The following AOPEP variants were observed in gnomAD, a reference collection of about 807,000 sequenced individuals.
AOPEP encodes the protein aminopeptidase O.
A neutral mutation model predicts 98.1 loss-of-function variants in AOPEP; 77 were observed. The ratio of observed to expected loss-of-function variants is 0.78; its 90% CI spans 0.65 to 0.95. The LOEUF is 0.95. AOPEP is among the 40% of genes least tolerant of loss of function. The pLI is 0.00. For synonymous variants in AOPEP, 346 were observed against 365.3 expected (o/e 0.95, Z 0.60); for missense variants, 1,024 against 1,024.7 (o/e 1.00, Z 0.01).
intron 16 of AOPEP, chr9:95,082,963 G>T: frequency 5.9e-6 from 3 of 505,528 alleles, no homozygotes; most frequent in Admixed American, 7.0e-5. Flanking sequence ...CCACCTGGAG[G>T]CACAGCGGCA....
chr9:95,095,405 T>G, the AOPEP span, among the ~76,000 whole-genome samples: 1 of 152,096 alleles, frequency 6.6e-6, no homozygotes, highest in South Asian at 2.1e-4. Context: ...TCCCGTTCCC[T>G]GTGTCGTGTG....
intron 11 of AOPEP, among the ~76,000 whole-genome samples, chr9:94,999,008 T>C (rs2061399760): frequency 6.6e-6 from 1 of 152,198 alleles, no homozygotes; most frequent in African/African-American, 2.4e-5. Context: ...AGTAGAGTTA[T>C]AAGTTAAGAA....
At chr9:95,083,680 C>CA (rs1279169308) in intron 16 of AOPEP, among the ~76,000 whole-genome samples, 5 of 151,970 alleles carry the variant, frequency 3.3e-5, no homozygotes, top group Admixed American at 3.3e-4. Context: ...CTGCGGCACA[C>CA]ACAGCACACA....
chr9:95,123,838 T>C, the AOPEP span: 1 of 652,518 alleles, frequency 1.5e-6, no homozygotes, highest in Non-Finnish European at 2.9e-6. Context: ...CTGCGGATGC[T>C]GCCCCACAAC....
At chr9:94,863,936 A>AGCT (rs1564282790) in intron 5 of AOPEP, among the ~76,000 whole-genome samples, 1 of 152,202 alleles carries the variant, frequency 6.6e-6, no homozygotes, top group Admixed American at 6.5e-5. Context: ...AGTGACACTT[A>AGCT]GCTGCAAGGG....
At chr9:95,148,300 C>T in the AOPEP span, among the ~76,000 whole-genome samples, 1 of 152,226 alleles carries the variant, frequency 6.6e-6, no homozygotes, top group Non-Finnish European at 1.5e-5. Flanking sequence ...AAGCACTCCA[C>T]TTGTACACCT....
At chr9:95,016,916 A>G (rs993210453) in intron 13 of AOPEP, among the ~76,000 whole-genome samples, 1 of 151,738 alleles carries the variant, frequency 6.6e-6, no homozygotes, top group Non-Finnish European at 1.5e-5. Context: ...ATTTTCTTAG[A>G]TAAGGTAACA....
At chr9:95,018,707 G>A (rs138252032) in intron 13 of AOPEP, among the ~76,000 whole-genome samples, 1 of 152,352 alleles carries the variant, frequency 6.6e-6, no homozygotes, top group Non-Finnish European at 1.5e-5. Flanking sequence ...GTGTTGTGGA[G>A]AGGTTCTCTC....
At chr9:94,789,999 G>C (rs1282188042) in intron 3 of AOPEP, among the ~76,000 whole-genome samples, 2 of 151,452 alleles carry the variant, frequency 1.3e-5, no homozygotes, top group Non-Finnish European at 2.9e-5. Context: ...TCAGCCTCCC[G>C]AGTAGCTGGG....
intron 5 of AOPEP, among the ~76,000 whole-genome samples, chr9:94,830,556 CTGTAA>C (rs1460720024): frequency 6.6e-6 from 1 of 152,186 alleles, no homozygotes; most frequent in Non-Finnish European, 1.5e-5. Context: ...GGTATATACC[CTGTAA>C]TGGTATTGCT....
chr9:94,905,348 C>T (rs1201968159), intron 5 of AOPEP, among the ~76,000 whole-genome samples: 7 of 152,210 alleles, frequency 4.6e-5, no homozygotes, highest in South Asian at 2.1e-4. Flanking sequence ...ACTTACATAT[C>T]GTTTAAGGAG....
intron 10 of AOPEP, 68 bp downstream of exon 10, chr9:94,967,869 G>T: frequency 7.6e-7 from 1 of 1,320,016 alleles, no homozygotes; most frequent in South Asian, 1.2e-5. Context: ...CATTGCCATT[G>T]GTTGGCTTGT....
At chr9:95,037,789 A>G (rs1344844895) in intron 13 of AOPEP, among the ~76,000 whole-genome samples, 6 of 152,328 alleles carry the variant, frequency 3.9e-5, no homozygotes, top group African/African-American at 1.4e-4. Flanking sequence ...CAACAGTAGA[A>G]GGGGCTTCTG....
chr9:94,884,766 CTT>C lies in AOPEP; in HGVS notation c.1365-39218_1365-39217del, dbSNP rs1223128671. On this transcript the variant is annotated intron_variant, in intron 5 of 16. Transcript: ENST00000375315. ...GTGGCTCACGCCTGTAATCCCAGCA[CTT>C]TGGGAGGCCGAGGCGGGCGGATCAC... Among the ~76,000 whole-genome samples, 4 of 151,972 alleles carry C rather than the reference CTT, an allele frequency of 2.6e-5. 1 individual carries two copies. Among genetic ancestry groups the C allele is most frequent in the African/African-American group, 9.7e-5 (4 of 41,320 alleles).
intron 5 of AOPEP, among the ~76,000 whole-genome samples, chr9:94,898,235 C>G (rs1301372473): frequency 2.0e-5 from 3 of 152,174 alleles, no homozygotes; most frequent in African/African-American, 7.2e-5. Flanking sequence ...TTCAGCATTG[C>G]TGGTAAAAGC....
rs564958284 is a variant in AOPEP at position 95,069,659 on chromosome 9, T to C, written c.2232+8849T>C. Among the ~76,000 whole-genome samples the C allele has an allele frequency of 6.6e-5, 10 of 152,376 alleles. No homozygotes were observed. In the South Asian group the frequency reaches 2.1e-3, roughly 32 times the overall value. On this transcript the variant is annotated intron_variant, in intron 14 of 16. Coordinates refer to ENST00000375315, the MANE Select transcript of AOPEP (RefSeq NM_001193329.3). Reference sequence around the variant, plus strand: ...TAAGATTTGTCTAAGACCACACAGGTGAAGCAAGGTTGCCTCTTTTATCAT... The same window carrying C: ...TAAGATTTGTCTAAGACCACACAGGCGAAGCAAGGTTGCCTCTTTTATCAT...
chr9:94,917,049 G>A (rs1398539499), intron 5 of AOPEP, among the ~76,000 whole-genome samples: 1 of 151,602 alleles, frequency 6.6e-6, no homozygotes, highest in Non-Finnish European at 1.5e-5. Context: ...GACCATAACC[G>A]GCAGAACCTG....
chr9:94,925,768 C>G (rs1369960891), intron 6 of AOPEP, among the ~76,000 whole-genome samples: 2 of 152,178 alleles, frequency 1.3e-5, no homozygotes, highest in African/African-American at 4.8e-5. Context: ...CTGAGTCAGA[C>G]AGACTTCCAG....
intron 2 of AOPEP, chr9:94,763,057 G>A: frequency 2.5e-6 from 1 of 392,230 alleles, no homozygotes; most frequent in Non-Finnish European, 5.2e-6. Context: ...CTGAATTGCA[G>A]AATATTATCA....
Sources: allele counts gnomAD v4.1 joint callset (sites outside exome capture counted in the v4.1 genomes callset), GRCh38; gene constraint gnomAD v4.1.1; transcripts MANE v1.5; gene names NCBI Gene and HGNC (gene_info 2026-07-23, HGNC 2026-07-21).